GALNT6: variants seen among roughly 807,000 people sequenced by gnomAD.
GALNT6 encodes GalNAc transferase 6.
In GALNT6, 51 loss-of-function variants were observed where a neutral mutation model predicts 65.9. The ratio of observed to expected loss-of-function variants is 0.77; its 90% CI spans 0.62 to 0.98. The LOEUF (loss-of-function observed/expected upper bound fraction) is 0.98, where lower values mean the gene tolerates loss of function less well. Among genes scored for constraint, GALNT6 ranks in the 50% least tolerant of loss-of-function variants. The pLI, the probability that GALNT6 is intolerant of heterozygous loss-of-function variation, is 0.00. For missense variants in GALNT6, 708 were observed against 803.3 expected (o/e 0.88, Z 1.43); for synonymous variants, 323 against 315.1 (o/e 1.02, Z -0.26).
rs149708003 is a variant in GALNT6 at position 51,373,811 on chromosome 12, G to C, written c.664+3384C>G. On this transcript the variant is annotated intron_variant, in intron 4 of 11. Coordinates refer to ENST00000356317, the MANE Select transcript of GALNT6 (RefSeq NM_007210.4). ...CAGAAGCCTAATCTATACATTCCTTGTCCACCAGACCCTGTCATTGCATCC... is the reference window on the plus strand; with the variant it reads ...CAGAAGCCTAATCTATACATTCCTTCTCCACCAGACCCTGTCATTGCATCC... Among the ~76,000 whole-genome samples, 617 of 152,086 alleles carry C rather than the reference G, an allele frequency of 4.1e-3. 8 individuals carry two copies. Among genetic ancestry groups the C allele is most frequent in the African/African-American group, 0.014 (587 of 41,484 alleles).
At chr12:51,377,408 G>A in intron 3 of GALNT6, 41 bp from the exon 4 acceptor site, 1 of 1,577,790 alleles carries the variant, frequency 6.3e-7, no homozygotes, top group South Asian at 1.1e-5. Context: ...CCTGGTCCCT[G>A]GGAGTACCAG....
At chr12:51,370,741 G>A (rs1947266651) in intron 4 of GALNT6, among the ~76,000 whole-genome samples, 2 of 151,800 alleles carry the variant, frequency 1.3e-5, no homozygotes, top group Admixed American at 1.3e-4. Context: ...TTTCAGTTTG[G>A]GATGACAAAA....
chr12:51,371,797 C>A (rs559095998), intron 4 of GALNT6, among the ~76,000 whole-genome samples: 4 of 152,266 alleles, frequency 2.6e-5, no homozygotes, highest in Admixed American at 6.5e-5. Context: ...AGGGCTACTA[C>A]TGGGTGCCTG....
chr12:51,384,691 C>CAAAAAAA (rs747557675), intron 2 of GALNT6, among the ~76,000 whole-genome samples: 3 of 89,344 alleles, frequency 3.4e-5, no homozygotes, highest in Non-Finnish European at 6.4e-5. Context: ...GACTCTGTCT[C>CAAAAAAA]AAAAAAAAAA....
At chr12:51,356,924 T>A (rs1302198446) in intron 10 of GALNT6, among the ~76,000 whole-genome samples, 1 of 152,166 alleles carries the variant, frequency 6.6e-6, no homozygotes, top group East Asian at 1.9e-4. Context: ...GGCTCTGTTT[T>A]CAGTGCCTCT....
intron 10 of GALNT6, among the ~76,000 whole-genome samples, chr12:51,356,353 C>CTTTTTT (rs58408607): frequency 1.5e-5 from 1 of 66,940 alleles, no homozygotes; most frequent in Non-Finnish European, 2.7e-5. Flanking sequence ...TATATTTTCT[C>CTTTTTT]TTTTTTTTTT....
At chr12:51,385,486 T>C (rs1410748333) in intron 2 of GALNT6, among the ~76,000 whole-genome samples, 1 of 152,230 alleles carries the variant, frequency 6.6e-6, no homozygotes, top group Non-Finnish European at 1.5e-5. Context: ...ATTATAAAAC[T>C]GCCCTAAGAT....
chr12:51,369,488 C>A (rs1333767004), intron 4 of GALNT6, among the ~76,000 whole-genome samples: 2 of 152,172 alleles, frequency 1.3e-5, no homozygotes, highest in Admixed American at 1.3e-4. Flanking sequence ...TTAGGTTCAA[C>A]ACCCCACCAC....
rs1397691819 is a variant in GALNT6, at chr12:51,377,333, G to A, written c.526C>T (p.Leu176=). 6.2e-7 allele frequency: 1 copy of A among 1,612,818 alleles called. No homozygotes were observed. The highest frequency in any genetic ancestry group is 1.7e-5 in the Admixed American group (1 of 60,026). ...ACAATGATCACGCTGGTGGTGGCCA[G>A]TGGGGGGCAGCGCCGGAACTTCTGG... is the stretch of plus-strand genomic sequence containing the variant. ...VDQKFRRCPP[L]ATTSVIIVFH... Residue 176 remains leucine, a synonymous_variant, in exon 4 of 12, where the codon CTG becomes TTG. Coordinates refer to ENST00000356317, the MANE Select transcript of GALNT6 (RefSeq NM_007210.4).
At chr12:51,357,236 T>A in intron 10 of GALNT6, 113 bp downstream of exon 10, 1 of 675,124 alleles carries the variant, frequency 1.5e-6, no homozygotes, top group Admixed American at 2.4e-5. Flanking sequence ...GGAAGCTTCC[T>A]GAGGGCAGGG....
intron 2 of GALNT6, among the ~76,000 whole-genome samples, chr12:51,388,749 T>C (rs1411520296): frequency 6.6e-6 from 1 of 152,218 alleles, no homozygotes; most frequent in Non-Finnish European, 1.5e-5. Context: ...GTCTCCAGAA[T>C]GTTCTTCCTG....
intron 6 of GALNT6, among the ~76,000 whole-genome samples, chr12:51,363,039 G>C (rs755545342): frequency 6.6e-6 from 1 of 152,072 alleles, no homozygotes; most frequent in East Asian, 1.9e-4. Flanking sequence ...CACGTGGAGA[G>C]GAAGAAGCAC....
chr12:51,377,682 T>C (rs565851085), intron 3 of GALNT6, among the ~76,000 whole-genome samples: 5 of 152,210 alleles, frequency 3.3e-5, no homozygotes, highest in African/African-American at 1.2e-4. Context: ...AGGCTAGGAG[T>C]TCCCAGGGCT....
chr12:51,362,096 C>T (rs1946941163), intron 6 of GALNT6, among the ~76,000 whole-genome samples: 1 of 152,124 alleles, frequency 6.6e-6, no homozygotes, highest in African/African-American at 2.4e-5. Flanking sequence ...CTGGCCTCTC[C>T]CAGGGGTCTT....
At position 51,387,107 on chromosome 12, in the gene GALNT6, T is replaced by A. The variant is rs892993448; in HGVS notation, c.-104+3743A>T. Among the ~76,000 whole-genome samples, 12 of 152,152 alleles carry A rather than the reference T, an allele frequency of 7.9e-5. No homozygotes were observed. The highest frequency in any genetic ancestry group is 1.3e-4 in the Non-Finnish European group (9 of 68,026). Reference sequence around the variant, plus strand: ...GTTCATTTTATGTTTGCATAATTTTTTTTTTTTTGAGATGGAGTCTCATTC... The same window carrying A: ...GTTCATTTTATGTTTGCATAATTTTATTTTTTTTGAGATGGAGTCTCATTC... On this transcript the variant is annotated intron_variant, in intron 2 of 11. Transcript: ENST00000356317. This position sits in a 1 kb window ranked among gnomAD's most constrained non-coding sequence, Gnocchi z 4.2.
intron 4 of GALNT6, among the ~76,000 whole-genome samples, chr12:51,369,146 A>T (rs1947207110): frequency 6.6e-6 from 1 of 152,180 alleles, no homozygotes; most frequent in South Asian, 2.1e-4. Context: ...CGGACAAAAC[A>T]TCATAGGAAG....
intron 2 of GALNT6, among the ~76,000 whole-genome samples, chr12:51,390,310 C>A (rs922798857): frequency 1.9e-4 from 29 of 152,056 alleles, no homozygotes; most frequent in African/African-American, 7.0e-4. Flanking sequence ...TTACAGGCGC[C>A]TGCCACCATG....
intron 8 of GALNT6, among the ~76,000 whole-genome samples, chr12:51,358,680 T>A (rs1946826301): frequency 6.6e-6 from 1 of 152,152 alleles, no homozygotes; most frequent in South Asian, 2.1e-4. Context: ...CTGTCTCTCA[T>A]GTTCATTCCC....
chr12:51,382,493 A>T (rs555151492), intron 2 of GALNT6: 1 of 153,116 alleles, frequency 6.5e-6, no homozygotes, highest in South Asian at 2.1e-4. Flanking sequence ...GGCAGAAGGC[A>T]CAGTACCTGC....
Sources: allele counts gnomAD v4.1 joint callset (sites outside exome capture counted in the v4.1 genomes callset), GRCh38; gene constraint gnomAD v4.1.1; non-coding constraint Gnocchi (gnomAD v3.1); transcripts MANE v1.5; gene names NCBI Gene and HGNC (gene_info 2026-07-23, HGNC 2026-07-21).